Variants in ACACA observed in about 807,000 individuals in gnomAD.
The protein encoded by ACACA is acetyl-CoA carboxylase 1.
Under a neutral mutation model 296.1 loss-of-function variants are expected in ACACA, and 103 were observed. That is an observed-to-expected ratio of 0.35 (90% CI 0.30 to 0.41). The LOEUF is 0.41. Ranked by LOEUF, ACACA falls within the 10% of genes least tolerant of loss-of-function variation. The probability of loss-of-function intolerance (pLI) is 1.00; values close to 1 mark genes in which losing one functional copy is unlikely to be tolerated. For missense variants in ACACA, 1,554 were observed against 2,989.7 expected (o/e 0.52, Z 11.20); for synonymous variants, 953 against 1,038.6 (o/e 0.92, Z 1.58).
chr17:37,232,117 C>A (rs1299329221), intron 25 of ACACA, among the ~76,000 whole-genome samples: 1 of 152,114 alleles, frequency 6.6e-6, no homozygotes. Context: ...TATGCTAACA[C>A]CTGGAGAGGA....
chr17:37,224,839 A>G (rs1318921557), intron 27 of ACACA, among the ~76,000 whole-genome samples, 153 bp downstream of exon 27: 1 of 152,080 alleles, frequency 6.6e-6, no homozygotes, highest in African/African-American at 2.4e-5. Context: ...ATAAGTATAA[A>G]TCATTTTAGA....
chr17:37,220,533 G>C (rs2079237154), intron 29 of ACACA, among the ~76,000 whole-genome samples: 1 of 152,166 alleles, frequency 6.6e-6, no homozygotes, highest in Non-Finnish European at 1.5e-5. Flanking sequence ...CTCACTGAAG[G>C]ACAACCATTC....
chr17:37,284,649 A>G (rs183093160), intron 4 of ACACA, among the ~76,000 whole-genome samples, 189 bp downstream of exon 4: 2 of 152,342 alleles, frequency 1.3e-5, no homozygotes, highest in African/African-American at 4.8e-5. Flanking sequence ...TGTGGTAAAT[A>G]CATATTATAG....
At chr17:37,269,521 T>C (rs534809216) in intron 10 of ACACA, among the ~76,000 whole-genome samples, 1 of 152,332 alleles carries the variant, frequency 6.6e-6, no homozygotes, top group African/African-American at 2.4e-5. Flanking sequence ...GACTATCTCA[T>C]GTAGTTTACT....
intron 24 of ACACA, among the ~76,000 whole-genome samples, chr17:37,236,478 G>GTT (rs1041107294): frequency 2.8e-5 from 4 of 141,384 alleles, no homozygotes; most frequent in African/African-American, 2.6e-5. Flanking sequence ...ATACTTTCTT[G>GTT]TTTTTTTTTT....
intron 31 of ACACA, 27 bp downstream of exon 31, chr17:37,207,630 T>C (rs1363432893): frequency 2.5e-6 from 4 of 1,613,168 alleles, no homozygotes; most frequent in Non-Finnish European, 3.4e-6. Context: ...GCTCCCCTTG[T>C]ACAGACATAG....
At chr17:37,329,094 G>C (rs2047743123) in intron 3 of ACACA, 1 of 396,084 alleles carries the variant, frequency 2.5e-6, no homozygotes, top group Admixed American at 4.4e-5. Context: ...TCTCAGTTAG[G>C]GAGAACTGTG....
chr17:37,199,435 T>C (rs943061289), intron 35 of ACACA, among the ~76,000 whole-genome samples: 1 of 152,172 alleles, frequency 6.6e-6, no homozygotes, highest in African/African-American at 2.4e-5. Flanking sequence ...GGGTATACCA[T>C]AGTTTGGATG....
In ACACA at chr17:37,340,972, T is replaced by C. The variant is rs568652801; in HGVS notation, c.39-1122A>G. ...GCTACTTGGGAGGCTGAGGCAGAGGTGTGCTAGAGTCCAGGAGCTGGAGGC... is the reference window on the plus strand; with the variant it reads ...GCTACTTGGGAGGCTGAGGCAGAGGCGTGCTAGAGTCCAGGAGCTGGAGGC... On this transcript the variant is annotated intron_variant, in intron 1 of 55. Transcript: ENST00000616317. Among the ~76,000 whole-genome samples, 5 of 152,142 alleles carry C rather than the reference T, an allele frequency of 3.3e-5. No individual in the cohort carries two copies. In the South Asian group the frequency reaches 1.0e-3, roughly 32 times the overall value.
chr17:37,189,193 T>G (rs2077652373), intron 38 of ACACA, among the ~76,000 whole-genome samples: 1 of 152,226 alleles, frequency 6.6e-6, no homozygotes, highest in Non-Finnish European at 1.5e-5. Flanking sequence ...GCCTTAGACA[T>G]GATTTCTTGT....
At chr17:37,236,880 A>T (rs946949037) in intron 24 of ACACA, among the ~76,000 whole-genome samples, 1 of 152,148 alleles carries the variant, frequency 6.6e-6, no homozygotes, top group Non-Finnish European at 1.5e-5. Context: ...TTAATTATGA[A>T]ATATATATAC....
chr17:37,293,667 C>T (rs925712006), intron 3 of ACACA, among the ~76,000 whole-genome samples: 1 of 151,772 alleles, frequency 6.6e-6, no homozygotes, highest in African/African-American at 2.4e-5. Context: ...CTCAGCCCCC[C>T]AGTAGCTGGG....
intron 22 of ACACA, among the ~76,000 whole-genome samples, chr17:37,242,451 T>C (rs920967565): frequency 2.0e-5 from 3 of 152,160 alleles, no homozygotes; most frequent in African/African-American, 7.2e-5. Context: ...CAATAGGCCA[T>C]GTGTGGTGGC....
chr17:37,192,129 A>C lies in ACACA; in HGVS notation c.4377T>G (p.Phe1459Leu). The C allele has an allele frequency of 6.2e-7, 1 of 1,614,148 alleles. No homozygotes were observed. Among genetic ancestry groups the C allele is most frequent in the African/African-American group, 1.3e-5 (1 of 75,020 alleles). ...CAGAATGCCTGATGATTGCACGAAC[A>C]AAGAACCTGTAGTCTGTCACTTCTG... ...VGTEVTDYRFFVRAIIRHSDL... is the reference protein window; with the variant it reads ...VGTEVTDYRFLVRAIIRHSDL... Residue 1459 changes from phenylalanine to leucine, a missense_variant, in exon 37 of 56, where the codon TTT becomes TTG. Phe to Leu is a conservative substitution (Grantham distance 22). Around this residue, in one of 16 missense-constraint regions of ACACA, gnomAD observed 35 missense variants for 131.8 expected, o/e 0.27. Transcript: ENST00000616317.
At chr17:37,238,954 G>T (rs1393395239) in intron 24 of ACACA, among the ~76,000 whole-genome samples, 1 of 152,092 alleles carries the variant, frequency 6.6e-6, no homozygotes, top group East Asian at 1.9e-4. Flanking sequence ...AGCCTCTTGA[G>T]TAGGTAGGAC....
intron 29 of ACACA, 84 bp from the exon 30 acceptor site, chr17:37,210,574 C>T (rs953675562): frequency 1.1e-4 from 147 of 1,309,246 alleles, no homozygotes; most frequent in Non-Finnish European, 1.6e-4. Flanking sequence ...ATAGACCAGT[C>T]ATGAGGAGCT....
chr17:37,099,560 A>G (rs867135362), intron 52 of ACACA, among the ~76,000 whole-genome samples: 8,826 of 83,452 alleles, frequency 0.11, 94 homozygotes, highest in African/African-American at 0.24. Context: ...GGCTGATGGC[A>G]GGAGGGCTGA....
chr17:37,130,505 G>A (rs773227860), intron 45 of ACACA, among the ~76,000 whole-genome samples: 7 of 151,798 alleles, frequency 4.6e-5, no homozygotes, highest in Admixed American at 2.6e-4. Flanking sequence ...ACACCAACGC[G>A]GCACATGTAT....
Position 37,390,025 on chromosome 17 carries a change from C to T in ACACA, c.38+16237G>A, listed in dbSNP as rs190538587. 1.0e-3 allele frequency among the ~76,000 whole-genome samples: 152 copies of T among 145,000 alleles called. 2 individuals are homozygous for T. The highest frequency in any genetic ancestry group is 2.4e-4 in the Non-Finnish European group (16 of 66,978). ...TTAAGGCCAGGCCTGATTCATCATGCCTGCAATCCCAGTGCTTTGGGAGGC... is the reference window on the plus strand; with the variant it reads ...TTAAGGCCAGGCCTGATTCATCATGTCTGCAATCCCAGTGCTTTGGGAGGC... On this transcript the variant is annotated intron_variant, in intron 1 of 55. Coordinates refer to ENST00000616317, the MANE Select transcript of ACACA (RefSeq NM_198834.3).
Sources: gnomAD v4.1 joint callset for allele counts (sites outside exome capture counted in the v4.1 genomes callset) on GRCh38, gnomAD v4.1.1 for gene constraint, gnomAD v4.1.1 regional missense constraint, MANE v1.5 for transcripts, NCBI Gene and HGNC (gene_info 2026-07-23, HGNC 2026-07-21) for gene names.